Variants in PCLO observed in about 807,000 individuals in gnomAD.
The protein encoded by PCLO is piccolo presynaptic cytomatrix protein, also known as protein piccolo.
A neutral mutation model predicts 427.5 loss-of-function variants in PCLO; 82 were observed. That is an observed-to-expected ratio of 0.19 (90% confidence interval 0.16 to 0.23). The LOEUF is 0.23. PCLO is among the 10% of genes least tolerant of loss of function. The pLI is 1.00. For missense variants in PCLO, 6,239 were observed against 6,115.9 expected, an observed-to-expected ratio of 1.02 and a Z score of -0.67; for synonymous variants, 2,357 against 2,155.4, an observed-to-expected ratio of 1.09 and a Z score of -2.59.
intron 3 of PCLO, among the ~76,000 whole-genome samples, chr7:82,974,154 A>G (rs1795965339): frequency 6.6e-6 from 1 of 152,080 alleles, no homozygotes; most frequent in Admixed American, 6.6e-5. Context: ...TGGGAGACCG[A>G]GGTGGGTAGA....
chr7:82,898,114 C>A (rs1407800301), intron 9 of PCLO, among the ~76,000 whole-genome samples: 2 of 151,542 alleles, frequency 1.3e-5, no homozygotes, highest in East Asian at 3.9e-4. Flanking sequence ...TTAATTTGGA[C>A]TTAATAGAAG....
intron 3 of PCLO, among the ~76,000 whole-genome samples, chr7:83,042,390 CTTAA>C (rs748625223): frequency 2.0e-5 from 3 of 152,006 alleles, no homozygotes; most frequent in African/African-American, 2.4e-5. Flanking sequence ...AAATGAATAG[CTTAA>C]TTAAATAATC....
chr7:82,898,932 T>A (rs1793970822), intron 9 of PCLO, among the ~76,000 whole-genome samples: 1 of 151,440 alleles, frequency 6.6e-6, no homozygotes, highest in African/African-American at 2.4e-5. Context: ...TATGATATCA[T>A]TTGATCTGTA....
intron 10 of PCLO, among the ~76,000 whole-genome samples, chr7:82,853,289 C>A (rs1243502001): frequency 1.3e-5 from 2 of 152,052 alleles, no homozygotes; most frequent in African/African-American, 2.4e-5. Flanking sequence ...TTCATCAAAG[C>A]AGGCTCAATC....
At chr7:82,924,990 G>A (rs1344629274) in intron 6 of PCLO, among the ~76,000 whole-genome samples, 1 of 152,090 alleles carries the variant, frequency 6.6e-6, no homozygotes, top group African/African-American at 2.4e-5. Flanking sequence ...GAGAACTTGA[G>A]AATGGAAATT....
intron 3 of PCLO, among the ~76,000 whole-genome samples, chr7:83,043,984 C>T (rs1789040894): frequency 7.7e-6 from 1 of 129,480 alleles, no homozygotes; most frequent in African/African-American, 2.9e-5. Context: ...TTCATTCTCA[C>T]ACTGCTATAA....
chr7:82,811,264 G>A (rs1488621959), intron 20 of PCLO, among the ~76,000 whole-genome samples: 2 of 151,440 alleles, frequency 1.3e-5, no homozygotes, highest in Non-Finnish European at 3.0e-5. Flanking sequence ...AAGTATTTGG[G>A]AATTTTTACC....
intron 3 of PCLO, among the ~76,000 whole-genome samples, chr7:82,968,573 G>A (rs528229183): frequency 7.1e-6 from 1 of 141,544 alleles, no homozygotes; most frequent in African/African-American, 2.7e-5. Context: ...AGGCTGGAGT[G>A]CAGTGGCTTG....
Position 82,953,543 on chromosome 7 carries a change from A to T in PCLO, c.7410T>A (p.Ser2470Arg), listed in dbSNP as rs1795417950. 1 of 1,613,208 alleles carries T rather than the reference A, an allele frequency of 6.2e-7. No individual in the cohort carries two copies. The highest frequency in any genetic ancestry group is 8.5e-7 in the Non-Finnish European group (1 of 1,179,592). Residue 2470 changes from serine (S) to arginine (R), a missense_variant, in exon 5 of 25, where the codon AGT becomes AGA. Around this residue, in one of 5 missense-constraint regions of PCLO, gnomAD observed 4,677 missense variants for 4,468.4 expected, o/e 1.05. Transcript: ENST00000333891. ...TTLETTAVLR[S>R]NGLPVTRICT... ...ATATTCTTGTAACAGGTAATCCATT[A>T]CTTCTCAGAACAGCTGTGGTCTCTA...
At chr7:82,781,289 T>C (rs952967288) in intron 22 of PCLO, among the ~76,000 whole-genome samples, 1 of 152,006 alleles carries the variant, frequency 6.6e-6, no homozygotes, top group Non-Finnish European at 1.5e-5. Flanking sequence ...TGCCATTTCT[T>C]GTTTATTTCT....
chr7:82,814,360 G>A (rs919510575), intron 20 of PCLO, among the ~76,000 whole-genome samples: 2 of 151,590 alleles, frequency 1.3e-5, no homozygotes, highest in African/African-American at 4.8e-5. Flanking sequence ...TGATAAACAT[G>A]TTTTGGAAGA....
At position 82,915,297 on chromosome 7, in the gene PCLO, A is replaced by G. The variant is rs1356371918; in HGVS notation, c.12689T>C (p.Ile4230Thr). ...MTSSTSSIGG[I>T]SSRARLLQDD... ...TTGAAGGAGCCTTGCCCTGGAGGAAATGCCACCAATAGATGAAGTGCTAGA... is the reference window on the plus strand; with the variant it reads ...TTGAAGGAGCCTTGCCCTGGAGGAAGTGCCACCAATAGATGAAGTGCTAGA... The change falls in exon 7 of 25, where the codon ATT (isoleucine) becomes ACT (threonine). Residue 4230 changes from isoleucine (I) to threonine (T), a missense_variant. Coordinates refer to ENST00000333891, the MANE Select transcript of PCLO (RefSeq NM_033026.6). 6.2e-7 allele frequency: 1 copy of G among 1,613,660 alleles called. No homozygotes were observed. The highest frequency in any genetic ancestry group is 2.2e-5 in the East Asian group (1 of 44,776).
intron 9 of PCLO, 80 bp downstream of exon 9, chr7:82,902,571 T>C (rs1031312996): frequency 2.7e-6 from 2 of 753,450 alleles, no homozygotes; most frequent in Admixed American, 2.3e-5. Flanking sequence ...AAACTGAAAG[T>C]ATAATAATAA....
At chr7:82,968,799 A>T (rs1373402960) in intron 3 of PCLO, among the ~76,000 whole-genome samples, 3 of 152,102 alleles carry the variant, frequency 2.0e-5, no homozygotes, top group Admixed American at 1.3e-4. Flanking sequence ...GATTACAGGC[A>T]TGAGCCACTG....
At chr7:83,067,923 C>T (rs1037603494) in intron 3 of PCLO, among the ~76,000 whole-genome samples, 1 of 14,754 alleles carries the variant, frequency 6.8e-5, no homozygotes, top group African/African-American at 1.1e-3. Context: ...ACTTTCTGTG[C>T]ATATCTGAAA....
At position 82,968,451 on chromosome 7, in the gene PCLO, T is replaced by C. The variant is rs78075137; in HGVS notation, c.3301-1964A>G. The stretch of plus-strand genomic sequence containing the variant: ...CCTACAGAAAATCAATCTTAATCTA[T>C]AACATGGTTTTAAAAACTATTACTT... On this transcript the variant is annotated intron_variant, in intron 3 of 24. Transcript: ENST00000333891. 6.3e-3 allele frequency among the ~76,000 whole-genome samples: 961 copies of C among 151,726 alleles called. 14 individuals are homozygous for C. The highest frequency in any genetic ancestry group is 0.022 in the African/African-American group (901 of 41,404).
At chr7:83,066,785 T>C (rs976020966) in intron 3 of PCLO, among the ~76,000 whole-genome samples, 1 of 152,010 alleles carries the variant, frequency 6.6e-6, no homozygotes, top group Non-Finnish European at 1.5e-5. Context: ...GAAGGAAAAA[T>C]AAAAATAATA....
At chr7:83,080,209 G>T (rs2371539) in intron 3 of PCLO, among the ~76,000 whole-genome samples, 42,626 of 151,926 alleles carry the variant, frequency 0.28, 7,029 homozygotes, top group East Asian at 0.56. Flanking sequence ...TGTAACAGAA[G>T]GATTTCTATT....
chr7:82,864,477 C>T (rs1321399563), intron 10 of PCLO, among the ~76,000 whole-genome samples: 2 of 152,010 alleles, frequency 1.3e-5, no homozygotes, highest in Non-Finnish European at 2.9e-5. Flanking sequence ...GGAAGGCTTA[C>T]AGCTAAAATT....
Sources: gnomAD v4.1 joint callset for allele counts (sites outside exome capture counted in the v4.1 genomes callset) on GRCh38, gnomAD v4.1.1 for gene constraint, gnomAD v4.1.1 regional missense constraint, MANE v1.5 for transcripts, NCBI Gene and HGNC (gene_info 2026-07-23, HGNC 2026-07-21) for gene names.